The following KLHL4 variants were observed in gnomAD, a reference collection of about 807,000 sequenced individuals.
The protein encoded by KLHL4 is kelch-like protein 4.
KLHL4 carries 17 observed loss-of-function variants against 45.8 expected under a neutral mutation model. The observed-to-expected ratio is 0.37, with a 90% CI of 0.25 to 0.56. The LOEUF (loss-of-function observed/expected upper bound fraction) is 0.56. Among genes scored for constraint, KLHL4 ranks in the 20% least tolerant of loss-of-function variants. The probability of loss-of-function intolerance (pLI) is 0.79; values close to 1 mark genes in which losing one functional copy is unlikely to be tolerated. For synonymous variants in KLHL4, 224 were observed against 189.9 expected, an observed-to-expected ratio of 1.18 and a Z score of -1.47; for missense variants, 544 against 544.9, an observed-to-expected ratio of 1.00 and a Z score of 0.02.
chrX:87,523,853 C>T (rs923973798), intron 1 of KLHL4, among the ~76,000 whole-genome samples: 5 of 110,744 alleles, frequency 4.5e-5, no homozygotes, highest in African/African-American at 1.6e-4. Context: ...ATCCCAGCTA[C>T]TCGGGAGGCT....
intron 6 of KLHL4, among the ~76,000 whole-genome samples, chrX:87,631,770 C>G (rs1923104054): frequency 8.9e-6 from 1 of 111,854 alleles, no homozygotes; most frequent in Non-Finnish European, 1.9e-5. Context: ...CACACACACA[C>G]AAATAAACAC....
chrX:87,554,001 C>T (rs1263089120), intron 1 of KLHL4, among the ~76,000 whole-genome samples: 1 of 108,479 alleles, frequency 9.2e-6, no homozygotes, highest in African/African-American at 3.4e-5. Context: ...TTGTTTTTGT[C>T]AGGTTTGTCA....
chrX:87,640,825 G>A (rs1923432096), intron 9 of KLHL4, among the ~76,000 whole-genome samples: 1 of 111,453 alleles, frequency 9.0e-6, no homozygotes, highest in African/African-American at 3.3e-5. Flanking sequence ...ACATAGTATT[G>A]GAAGTCCTAG....
At chrX:87,641,961 G>A (rs1282342392) in intron 9 of KLHL4, among the ~76,000 whole-genome samples, 1 of 99,631 alleles carries the variant, frequency 1.0e-5, no homozygotes, top group African/African-American at 3.8e-5. Flanking sequence ...TATTTACCCT[G>A]GTAGCAGAAG....
Position 87,518,271 on chromosome X carries a change from T to C in KLHL4, c.378T>C (p.Asp126=). 8.3e-7 allele frequency: 1 copy of C among 1,211,639 alleles called. No individual in the cohort carries two copies. The highest frequency in any genetic ancestry group is 1.1e-6 in the Non-Finnish European group (1 of 895,393). The part of the protein sequence containing the change: ...FKEACEKRAQ[D]LEMMADDNIE... The stretch of plus-strand genomic sequence containing the variant: ...AAGCTTGTGAGAAACGCGCACAAGA[T>C]TTGGAGATGATGGCTGATGACAATA... Residue 126 remains aspartate (D), a synonymous_variant, in exon 1 of 11, where the codon GAT becomes GAC. Coordinates refer to ENST00000373119, the MANE Select transcript of KLHL4 (RefSeq NM_019117.5).
intron 1 of KLHL4, among the ~76,000 whole-genome samples, chrX:87,519,235 T>C (rs922156063): frequency 8.9e-6 from 1 of 111,940 alleles, no homozygotes; most frequent in African/African-American, 3.2e-5. Context: ...AGTAGTACTA[T>C]AGAAAAATAA....
intron 1 of KLHL4, among the ~76,000 whole-genome samples, 155 bp downstream of exon 1, chrX:87,518,470 T>G (rs1930935567): frequency 8.9e-6 from 1 of 111,999 alleles, no homozygotes; most frequent in South Asian, 3.7e-4. Context: ...TCTAAGTTTA[T>G]AAAAGAAAAC....
intron 1 of KLHL4, among the ~76,000 whole-genome samples, chrX:87,567,965 T>C (rs1168920221): frequency 9.0e-6 from 1 of 111,486 alleles, no homozygotes; most frequent in Non-Finnish European, 1.9e-5. Context: ...AAATAAAAGT[T>C]GAAATTATTT....
intron 9 of KLHL4, among the ~76,000 whole-genome samples, chrX:87,638,497 T>C (rs1923342666): frequency 8.9e-6 from 1 of 112,241 alleles, no homozygotes; most frequent in African/African-American, 3.2e-5. Flanking sequence ...GCAGATATTT[T>C]AGTAGAAACT....
intron 1 of KLHL4, among the ~76,000 whole-genome samples, chrX:87,581,987 C>T (rs754554240): frequency 9.0e-6 from 1 of 111,554 alleles, no homozygotes; most frequent in South Asian, 3.8e-4. Context: ...GAGCTGACAG[C>T]CAAAATAGCC....
chrX:87,625,484 G>A lies in KLHL4; in HGVS notation c.1138-126G>A, dbSNP rs1390371252. On this transcript the variant is annotated intron_variant, in intron 5 of 10. Transcript: ENST00000373119. Reference sequence around the variant, plus strand: ...GAGCTCCAGCGTTCTACACACCTTGGCCTCCCAAAGTGCTGGAATTACAGG... The same window carrying A: ...GAGCTCCAGCGTTCTACACACCTTGACCTCCCAAAGTGCTGGAATTACAGG... 6 of 481,127 alleles carry A rather than the reference G, an allele frequency of 1.2e-5. No individual in the cohort carries two copies. In the Admixed American group the frequency reaches 2.8e-4, roughly 22 times the overall value. 39.7% of individuals were successfully genotyped at this position (481,127 alleles called of 1,213,427 possible). A position where few individuals can be genotyped will look rare whatever the true frequency, so the allele number is the denominator to read the frequency against.
chrX:87,572,372 A>G (rs1352394331), intron 1 of KLHL4, among the ~76,000 whole-genome samples: 1 of 111,149 alleles, frequency 9.0e-6, no homozygotes, highest in Non-Finnish European at 1.9e-5. Flanking sequence ...TATTTAACAA[A>G]ATAAGCACTC....
chrX:87,616,183 G>A (rs758300418), intron 3 of KLHL4, among the ~76,000 whole-genome samples: 15 of 110,708 alleles, frequency 1.4e-4, no homozygotes, highest in Non-Finnish European at 2.8e-4. Flanking sequence ...TTTTTTAGGA[G>A]GGATATGTAT....
At chrX:87,581,760 G>T (rs1344322741) in intron 1 of KLHL4, among the ~76,000 whole-genome samples, 1 of 112,053 alleles carries the variant, frequency 8.9e-6, no homozygotes. Flanking sequence ...GAAAGAATCA[G>T]CACAAAAATG....
At chrX:87,633,346 A>G (rs1923159580) in intron 7 of KLHL4, among the ~76,000 whole-genome samples, 1 of 112,331 alleles carries the variant, frequency 8.9e-6, no homozygotes, top group African/African-American at 3.2e-5. Flanking sequence ...GAGGTTATAA[A>G]GACCTACTAC....
At chrX:87,602,928 C>T (rs759829565) in intron 1 of KLHL4, among the ~76,000 whole-genome samples, 23 of 111,687 alleles carry the variant, frequency 2.1e-4, no homozygotes, top group Non-Finnish European at 4.1e-4. Context: ...AAAATTCTTA[C>T]ACACATGTGA....
rs190032683 is a variant in KLHL4, at chrX:87,667,087, G to A, written c.*553G>A. The A allele has an allele frequency of 7.4e-6, 5 of 671,988 alleles. No individual in the cohort carries two copies. In the African/African-American group the frequency reaches 2.0e-4, roughly 28 times the overall value. The allele number at this position is 671,988 out of a possible 1,213,427, so 55.4% of individuals were successfully genotyped here. A position where few individuals can be genotyped will look rare whatever the true frequency, so the allele number is the denominator to read the frequency against. Reference sequence around the variant, plus strand: ...AGAGGAAAGCTTTTACTGTGTTGAAGCTAAAAAAATAATGGCTCTTTGACA... The same window carrying A: ...AGAGGAAAGCTTTTACTGTGTTGAAACTAAAAAAATAATGGCTCTTTGACA... On this transcript the variant is annotated 3_prime_UTR_variant, in exon 11 of 11. Transcript: ENST00000373119.
chrX:87,640,275 G>A (rs1247167571), intron 9 of KLHL4, among the ~76,000 whole-genome samples: 1 of 111,544 alleles, frequency 9.0e-6, no homozygotes, highest in Admixed American at 9.5e-5. Flanking sequence ...AAGAAGAATT[G>A]GTACCAATGA....
chrX:87,646,527 G>A (rs1404098657), intron 9 of KLHL4, among the ~76,000 whole-genome samples: 1 of 111,453 alleles, frequency 9.0e-6, no homozygotes. Flanking sequence ...AAACAAAATG[G>A]TACTGGTATA....
Sources: gnomAD v4.1 joint callset for allele counts (sites outside exome capture counted in the v4.1 genomes callset) on GRCh38, gnomAD v4.1.1 for gene constraint, MANE v1.5 for transcripts, NCBI Gene and HGNC (gene_info 2026-07-23, HGNC 2026-07-21) for gene names.